Variants in EBF2 observed in about 807,000 individuals in gnomAD.
EBF2 encodes the protein transcription factor COE2.
A neutral mutation model predicts 72.8 loss-of-function variants in EBF2; 21 were observed. The observed-to-expected ratio is 0.29, with a 90% confidence interval of 0.20 to 0.42. The LOEUF is 0.42. Among genes scored for constraint, EBF2 ranks in the 10% least tolerant of loss-of-function variants. EBF2 has a pLI of 1.00. For missense variants in EBF2, 637 were observed against 731.2 expected (o/e 0.87, Z 1.49); for synonymous variants, 299 against 274.2 (o/e 1.09, Z -0.89).
intron 8 of EBF2, 31 bp downstream of exon 8, chr8:25,889,721 T>G: frequency 1.3e-6 from 2 of 1,526,828 alleles, no homozygotes; most frequent in Non-Finnish European, 1.8e-6. Context: ...GAATTTCATG[T>G]GTCTGCTATG....
intron 6 of EBF2, among the ~76,000 whole-genome samples, chr8:25,967,688 C>A (rs1468305774): frequency 6.6e-6 from 1 of 152,158 alleles, no homozygotes; most frequent in Non-Finnish European, 1.5e-5. Context: ...GGTGAGGATG[C>A]ATTGAAGGAC....
chr8:25,893,412 G>A lies in EBF2; in HGVS notation c.634-3543C>T, dbSNP rs193187968. Among the ~76,000 whole-genome samples, 35 of 150,118 alleles carry A rather than the reference G, an allele frequency of 2.3e-4. No individual in the cohort carries two copies. In the East Asian group the frequency reaches 5.2e-3, roughly 22 times the overall value. On this transcript the variant is annotated intron_variant, in intron 7 of 15. Coordinates refer to ENST00000520164, the MANE Select transcript of EBF2 (RefSeq NM_022659.4). ...AGCGATTCTCCTGCCTCAGCCTCCC[G>A]AGTGGCTGAGATTACAGGTACCTGC...
intron 7 of EBF2, among the ~76,000 whole-genome samples, chr8:25,907,988 G>T (rs914752557): frequency 6.6e-6 from 1 of 152,188 alleles, no homozygotes; most frequent in Admixed American, 6.5e-5. Flanking sequence ...TCACCGTCCC[G>T]TGGGTCTTGT....
At chr8:26,005,632 C>G (rs1290560645) in intron 6 of EBF2, among the ~76,000 whole-genome samples, 1 of 112,016 alleles carries the variant, frequency 8.9e-6, no homozygotes, top group Admixed American at 1.0e-4. Flanking sequence ...AAGTTCAAGA[C>G]CAGCCTGGGC....
chr8:26,030,789 A>G (rs1217228306), intron 6 of EBF2, among the ~76,000 whole-genome samples: 2 of 152,240 alleles, frequency 1.3e-5, no homozygotes, highest in Admixed American at 6.5e-5. Flanking sequence ...AATAAATGCC[A>G]CAGTCACATA....
At chr8:25,955,901 G>T (rs2117173729) in intron 6 of EBF2, among the ~76,000 whole-genome samples, 1 of 152,308 alleles carries the variant, frequency 6.6e-6, no homozygotes, top group African/African-American at 2.4e-5. Flanking sequence ...GCTCTCCCAA[G>T]AACTGAGGTG....
intron 6 of EBF2, 61 bp downstream of exon 6, chr8:26,033,024 G>C: frequency 6.8e-7 from 1 of 1,468,786 alleles, no homozygotes; most frequent in Non-Finnish European, 9.5e-7. Context: ...TCAGTACTCA[G>C]AGTTGAGGTT....
At chr8:25,879,889 T>C (rs1177779814) in intron 10 of EBF2, among the ~76,000 whole-genome samples, 12 of 152,176 alleles carry the variant, frequency 7.9e-5, no homozygotes, top group Non-Finnish European at 1.3e-4. Context: ...CTCTGTCAAC[T>C]TGATAGGGAA....
chr8:25,936,408 C>T (rs1206978605), intron 6 of EBF2, among the ~76,000 whole-genome samples: 1 of 152,130 alleles, frequency 6.6e-6, no homozygotes, highest in Non-Finnish European at 1.5e-5. Flanking sequence ...GATTTGTTCC[C>T]TTAGTGACTG....
At position 25,865,721 on chromosome 8, in the gene EBF2, T is replaced by C. The variant is rs1412508373; in HGVS notation, c.1010-2924A>G. 7.5e-5 allele frequency among the ~76,000 whole-genome samples: 11 copies of C among 146,072 alleles called. No homozygotes were observed. In the East Asian group the frequency reaches 2.4e-3, roughly 32 times the overall value. ...GATTACAGACCTGAGCCACTGCACC[T>C]GGCCTATAAAAGATCTTAACCAGGC... On this transcript the variant is annotated intron_variant, in intron 10 of 15. Transcript: ENST00000520164.
intron 7 of EBF2, among the ~76,000 whole-genome samples, chr8:25,905,976 G>A (rs891494518): frequency 2.0e-5 from 3 of 152,042 alleles, no homozygotes; most frequent in Non-Finnish European, 4.4e-5. Flanking sequence ...CTTTCACATA[G>A]GATGAGAATT....
chr8:25,938,657 G>A (rs181925205), intron 6 of EBF2, among the ~76,000 whole-genome samples: 22 of 152,190 alleles, frequency 1.4e-4, no homozygotes, highest in East Asian at 1.2e-3. Flanking sequence ...TAGGGTGTCC[G>A]TCTTCCGGGC....
intron 10 of EBF2, among the ~76,000 whole-genome samples, chr8:25,864,716 A>G (rs962403700): frequency 5.3e-5 from 8 of 152,040 alleles, no homozygotes; most frequent in Admixed American, 5.2e-4. Flanking sequence ...CACCCTATTG[A>G]GGTTGTAATA....
chr8:25,996,302 A>C (rs1330513040), intron 6 of EBF2, among the ~76,000 whole-genome samples: 2 of 152,010 alleles, frequency 1.3e-5, no homozygotes, highest in East Asian at 3.9e-4. Context: ...TCTCAAAAAA[A>C]AAAAAAAAAA....
chr8:25,908,875 C>A (rs1043388660), intron 6 of EBF2, among the ~76,000 whole-genome samples: 1 of 152,136 alleles, frequency 6.6e-6, no homozygotes, highest in Non-Finnish European at 1.5e-5. Flanking sequence ...GCTTCAAATG[C>A]AGCAGTGACC....
intron 6 of EBF2, among the ~76,000 whole-genome samples, chr8:25,938,064 G>A (rs1241603124): frequency 6.6e-6 from 1 of 152,186 alleles, no homozygotes; most frequent in Non-Finnish European, 1.5e-5. Context: ...ATTCGGAATA[G>A]TTTGTGGCAT....
At chr8:25,884,130 C>T (rs190922790) in intron 10 of EBF2, among the ~76,000 whole-genome samples, 2 of 152,288 alleles carry the variant, frequency 1.3e-5, no homozygotes, top group African/African-American at 2.4e-5. Flanking sequence ...ACTTTCCAAC[C>T]TCATCTCCCA....
intron 6 of EBF2, among the ~76,000 whole-genome samples, chr8:25,948,771 G>A (rs901876922): frequency 3.3e-5 from 5 of 152,288 alleles, no homozygotes; most frequent in Middle Eastern, 3.4e-3. Flanking sequence ...CAGAACTCCC[G>A]GGTTTGGGAA....
In EBF2 at chr8:25,978,621, C is replaced by T. The variant is rs78898233; in HGVS notation, c.551+54464G>A. On this transcript the variant is annotated intron_variant, in intron 6 of 15. Coordinates refer to ENST00000520164, the MANE Select transcript of EBF2 (RefSeq NM_022659.4). Reference sequence around the variant, plus strand: ...TGAATGAAAGCGGAAAGGTGCGCTTCGCCCTCTGGCTGCAGGTTCAGAACC... The same window carrying T: ...TGAATGAAAGCGGAAAGGTGCGCTTTGCCCTCTGGCTGCAGGTTCAGAACC... 1.8e-3 allele frequency among the ~76,000 whole-genome samples: 280 copies of T among 152,260 alleles called. 6 individuals are homozygous for T. In the East Asian group the frequency reaches 0.034, roughly 19 times the overall value.
Sources: allele counts gnomAD v4.1 joint callset (sites outside exome capture counted in the v4.1 genomes callset), GRCh38; gene constraint gnomAD v4.1.1; transcripts MANE v1.5; gene names NCBI Gene and HGNC (gene_info 2026-07-23, HGNC 2026-07-21).